STOM: variants seen among roughly 807,000 people sequenced by gnomAD.
STOM encodes erythrocyte band 7 integral membrane protein.
STOM carries 25 observed loss-of-function variants against 30.6 expected under a neutral mutation model. The ratio of observed to expected loss-of-function variants is 0.82; its 90% CI spans 0.60 to 1.14. The LOEUF (loss-of-function observed/expected upper bound fraction) is 1.14. Among genes scored for constraint, STOM ranks in the 50% most tolerant of loss-of-function variants. The pLI, the probability that STOM is intolerant of heterozygous loss-of-function variation, is 0.00. For synonymous variants in STOM, 118 were observed against 130.8 expected, an observed-to-expected ratio of 0.90 and a Z score of 0.67; for missense variants, 292 against 365.2, an observed-to-expected ratio of 0.80 and a Z score of 1.63.
At chr9:121,351,682 C>T (rs1013918244) in intron 4 of STOM, among the ~76,000 whole-genome samples, 1 of 152,242 alleles carries the variant, frequency 6.6e-6, no homozygotes, top group African/African-American at 2.4e-5. Context: ...GTGGAAAAAA[C>T]AGCACTATAC....
chr9:121,361,918 C>T (rs932606666), intron 1 of STOM, among the ~76,000 whole-genome samples: 7 of 152,194 alleles, frequency 4.6e-5, no homozygotes, highest in Admixed American at 3.3e-4. Context: ...ATAAGGAATA[C>T]ACAACCTAGA....
intron 4 of STOM, among the ~76,000 whole-genome samples, chr9:121,349,968 C>G (rs940619729): frequency 9.2e-5 from 14 of 152,198 alleles, no homozygotes; most frequent in Non-Finnish European, 1.8e-4. Context: ...TCAGTTTTCT[C>G]ATTTGTAAAG....
Position 121,354,685 on chromosome 9 carries a change from A to C in STOM, c.166-12T>G. 1 of 1,572,868 alleles carries C rather than the reference A, an allele frequency of 6.4e-7. No individual in the cohort carries two copies. The highest frequency in any genetic ancestry group is 8.7e-7 in the Non-Finnish European group (1 of 1,150,540). On this transcript the variant is annotated splice_polypyrimidine_tract_variant and intron_variant, in intron 2 of 6. Coordinates refer to ENST00000286713, the MANE Select transcript of STOM (RefSeq NM_004099.6). The stretch of plus-strand genomic sequence containing the variant: ...TACTCTTTTATAATCTAGAATAAAA[A>C]CATGAATAATAATTTAACATGAAGA...
At chr9:121,368,012 T>C (rs1184436404) in intron 1 of STOM, among the ~76,000 whole-genome samples, 1 of 152,216 alleles carries the variant, frequency 6.6e-6, no homozygotes, top group African/African-American at 2.4e-5. Context: ...TGTAGAGCTG[T>C]TACAGAATGC....
In STOM at chr9:121,349,290, C is replaced by T; in HGVS notation, c.355G>A (p.Asp119Asn). Reference sequence around the variant, plus strand: ...TGAACGCGGTAATAGACCACACCATCCACGCTAATTGTCACTGAATCCTTT... The same window carrying T: ...TGAACGCGGTAATAGACCACACCATTCACGCTAATTGTCACTGAATCCTTT... ...LTKDSVTISVDGVVYYRVQNA... is the reference protein window; with the variant it reads ...LTKDSVTISVNGVVYYRVQNA... Residue 119 changes from aspartate to asparagine, a missense_variant, in exon 5 of 7, where the codon GAT (aspartate) becomes AAT (asparagine). Coordinates refer to ENST00000286713, the MANE Select transcript of STOM (RefSeq NM_004099.6). 1 of 1,614,150 alleles carries T rather than the reference C, an allele frequency of 6.2e-7. No individual in the cohort carries two copies. The highest frequency in any genetic ancestry group is 8.5e-7 in the Non-Finnish European group (1 of 1,180,012).
At position 121,356,062 on chromosome 9, in the gene STOM, C is replaced by T. The variant is rs373417057; in HGVS notation, c.156G>A (p.Met52Ile). ...TVITFPISIW[M>I]CIKIIKEYER... ...ATGAAATGTTCTTTACCTTTATGCA[C>T]ATCCATATTGAGATTGGGAAAGTTA... The change falls in exon 2 of 7, where the codon ATG becomes ATA. Residue 52 changes from methionine to isoleucine, a missense_variant. By Grantham distance (10) the Met-to-Ile change is conservative (BLOSUM62 1). Transcript: ENST00000286713. 47 of 1,613,806 alleles carry T rather than the reference C, an allele frequency of 2.9e-5. No homozygotes were observed. In the East Asian group the frequency reaches 6.5e-4, roughly 22 times the overall value.
intron 1 of STOM, among the ~76,000 whole-genome samples, chr9:121,363,732 T>TTACA (rs1184502543): frequency 3.3e-5 from 5 of 152,216 alleles, no homozygotes; most frequent in Non-Finnish European, 7.3e-5. Context: ...CAATGGGCTG[T>TTACA]TACACGCTGT....
At chr9:121,359,836 T>A (rs1017929803) in intron 1 of STOM, among the ~76,000 whole-genome samples, 4 of 152,168 alleles carry the variant, frequency 2.6e-5, no homozygotes, top group Non-Finnish European at 4.4e-5. Context: ...CAAGACAGTA[T>A]CCAAACTGAA....
intron 1 of STOM, among the ~76,000 whole-genome samples, chr9:121,361,343 G>A (rs1470433862): frequency 6.7e-6 from 1 of 150,262 alleles, no homozygotes; most frequent in Non-Finnish European, 1.5e-5. Context: ...ATGGGGAAAG[G>A]GACAAATAGT....
intron 1 of STOM, chr9:121,366,225 A>C (rs2064501957): frequency 2.0e-6 from 2 of 985,310 alleles, no homozygotes; most frequent in African/African-American, 3.5e-5. Flanking sequence ...ATGTGAGGCC[A>C]AATGCTTGGA....
intron 1 of STOM, among the ~76,000 whole-genome samples, chr9:121,356,686 C>T (rs575268883): frequency 3.3e-5 from 5 of 152,064 alleles, no homozygotes; most frequent in East Asian, 3.9e-4. Context: ...AAAATATCGA[C>T]GAAAAGAAAG....
At chr9:121,364,435 G>T (rs2064484189) in intron 1 of STOM, among the ~76,000 whole-genome samples, 1 of 152,110 alleles carries the variant, frequency 6.6e-6, no homozygotes, top group African/African-American at 2.4e-5. Context: ...CATGAGTGAA[G>T]ACTGTAACTT....
At position 121,353,255 on chromosome 9, in the gene STOM, T is replaced by C; in HGVS notation, c.286A>G (p.Met96Val). 1 of 1,612,114 alleles carries C rather than the reference T, an allele frequency of 6.2e-7. No individual in the cohort carries two copies. The highest frequency in any genetic ancestry group is 8.5e-7 in the Non-Finnish European group (1 of 1,179,138). The change falls in exon 4 of 7, where the codon ATG (methionine) becomes GTG (valine). Residue 96 changes from methionine (M) to valine (V), a missense_variant. Met to Val is a conservative substitution (Grantham distance 21). Transcript: ENST00000286713. Reference sequence around the variant, plus strand: ...GGAATATCAAATGAAATAGTTCTCATGTCCACTTTGATGAAGCTGTCAGTG... The same window carrying C: ...GGAATATCAAATGAAATAGTTCTCACGTCCACTTTGATGAAGCTGTCAGTG... ...PCTDSFIKVD[M>V]RTISFDIPPQ...
chr9:121,369,606 G>C (rs1421822456), intron 1 of STOM, among the ~76,000 whole-genome samples: 1 of 152,118 alleles, frequency 6.6e-6, no homozygotes, highest in Non-Finnish European at 1.5e-5. Context: ...AGAGAGGTAA[G>C]AAGAAAGCCA....
chr9:121,356,978 G>A (rs1283886901), intron 1 of STOM, among the ~76,000 whole-genome samples: 1 of 151,906 alleles, frequency 6.6e-6, no homozygotes, highest in Admixed American at 6.6e-5. Flanking sequence ...GGAAGAATCT[G>A]TCAAAAGAAA....
chr9:121,367,281 C>T (rs1295273554), intron 1 of STOM, among the ~76,000 whole-genome samples: 1 of 152,184 alleles, frequency 6.6e-6, no homozygotes, highest in Non-Finnish European at 1.5e-5. Flanking sequence ...TGAATTCCAT[C>T]TGTATCACTT....
At position 121,358,576 on chromosome 9, in the gene STOM, A is replaced by T. The variant is rs141178561; in HGVS notation, c.62-2420T>A. On this transcript the variant is annotated intron_variant, in intron 1 of 6. Transcript: ENST00000286713. ...GATTTAGTTCTCTTTCCTCCCCGTTACCCCCACCACATACTTATACCCAGC... is the reference window on the plus strand; with the variant it reads ...GATTTAGTTCTCTTTCCTCCCCGTTTCCCCCACCACATACTTATACCCAGC... 2.8e-3 allele frequency among the ~76,000 whole-genome samples: 426 copies of T among 152,290 alleles called. 7 individuals carry two copies. Among genetic ancestry groups the T allele is most frequent in the Non-Finnish European group, 1.8e-3 (123 of 68,022 alleles).
intron 1 of STOM, among the ~76,000 whole-genome samples, chr9:121,362,311 C>T (rs1364963803): frequency 1.3e-5 from 2 of 152,182 alleles, no homozygotes; most frequent in African/African-American, 2.4e-5. Context: ...TCTTTTAAAC[C>T]TTTTCTAGCC....
chr9:121,369,475 G>A (rs1057351790), intron 1 of STOM, among the ~76,000 whole-genome samples: 1 of 152,068 alleles, frequency 6.6e-6, no homozygotes, highest in African/African-American at 2.4e-5. Flanking sequence ...GGGAAGGGAG[G>A]GTGGGGGTGA....
Sources: gnomAD v4.1 joint callset for allele counts (sites outside exome capture counted in the v4.1 genomes callset) on GRCh38, gnomAD v4.1.1 for gene constraint, MANE v1.5 for transcripts, NCBI Gene and HGNC (gene_info 2026-07-23, HGNC 2026-07-21) for gene names.